The following GSPT1 variants were observed in gnomAD, a reference collection of about 807,000 sequenced individuals.
GSPT1 encodes the protein G1 to S phase transition 1, also known as eukaryotic peptide chain release factor GTP-binding subunit ERF3A.
GSPT1 carries 20 observed loss-of-function variants against 72.5 expected under a neutral mutation model. That is an observed-to-expected ratio of 0.28 (90% CI 0.19 to 0.40). The LOEUF (loss-of-function observed/expected upper bound fraction) is 0.40. Among genes scored for constraint, GSPT1 ranks in the 10% least tolerant of loss-of-function variants. The pLI is 1.00. For synonymous variants in GSPT1, 334 were observed against 293.5 expected, an observed-to-expected ratio of 1.14 and a Z score of -1.41; for missense variants, 580 against 811.9, an observed-to-expected ratio of 0.71 and a Z score of 3.47.
chr16:11,876,121 G>T lies in GSPT1; in HGVS notation c.1657C>A (p.His553Asn). The T allele has an allele frequency of 6.2e-7, 1 of 1,608,358 alleles. No individual in the cohort carries two copies. Among genetic ancestry groups the T allele is most frequent in the Non-Finnish European group, 8.5e-7 (1 of 1,174,778 alleles). Reference protein sequence around the residue: ...IICPGYNAVLHIHTCIEEVEI... With the variant: ...IICPGYNAVLNIHTCIEEVEI... ...ACCTCCTCAATACAGGTATGAATAT[G>T]CAGCACCGCATTATAGCCTGGGCAG... Residue 553 changes from histidine to asparagine, a missense_variant, in exon 13 of 15, where the codon CAT (histidine) becomes AAT (asparagine). This residue lies in a region of GSPT1 where 120 missense variants were observed against 242.5 expected (regional missense o/e 0.49). Coordinates refer to ENST00000434724, the MANE Select transcript of GSPT1 (RefSeq NM_002094.4).
intron 6 of GSPT1, among the ~76,000 whole-genome samples, chr16:11,889,461 C>T (rs2141290283): frequency 6.6e-6 from 1 of 150,436 alleles, no homozygotes; most frequent in South Asian, 2.1e-4. Context: ...CCTCAGCCTC[C>T]CAAGTAGCTG....
rs2053984435 is a variant in GSPT1, at chr16:11,871,982, G to A, written c.*1137C>T. 6.6e-6 allele frequency: 1 copy of A among 152,134 alleles called. No individual in the cohort carries two copies. Among genetic ancestry groups the A allele is most frequent in the Admixed American group, 6.5e-5 (1 of 15,268 alleles). 9.4% of individuals were successfully genotyped at this position (152,134 alleles called of 1,614,324 possible). On this transcript the variant is annotated 3_prime_UTR_variant, in exon 15 of 15. Coordinates refer to ENST00000434724, the MANE Select transcript of GSPT1 (RefSeq NM_002094.4). ...TAAAACTTATACCCTGCTTGATTCT[G>A]CTTATCGCTGATAATTTTAGTCTGT... is the stretch of plus-strand genomic sequence containing the variant.
chr16:11,912,363 CAAAAAAAAAA>C (rs1567454265), intron 1 of GSPT1, among the ~76,000 whole-genome samples: 1 of 129,710 alleles, frequency 7.7e-6, no homozygotes, highest in Non-Finnish European at 1.7e-5. Context: ...AAAAAAAAAA[CAAAAAAAAAA>C]CCTCCTCTTC....
intron 1 of GSPT1, among the ~76,000 whole-genome samples, chr16:11,900,999 GAAAAA>G (rs1567447960): frequency 8.7e-4 from 131 of 150,844 alleles, no homozygotes; most frequent in African/African-American, 1.1e-3. Flanking sequence ...ACCAAAAAAA[GAAAAA>G]CAAAAAACAA....
In GSPT1 at chr16:11,869,211, T is replaced by C. The variant is rs551992381; in HGVS notation, c.*3908A>G. On this transcript the variant is annotated 3_prime_UTR_variant, in exon 15 of 15. Transcript: ENST00000434724. ...CACTTCCTATTCTTTCTATTCCTAT[T>C]CATTTACTATGAAACCTAATCTAAC... 7.9e-4 allele frequency: 121 copies of C among 152,362 alleles called. 1 individual carries two copies. The highest frequency in any genetic ancestry group is 2.6e-3 in the African/African-American group (108 of 41,592). The allele number at this position is 152,362 out of a possible 1,614,324, so 9.4% of individuals were successfully genotyped here.
At chr16:11,910,692 T>C (rs1469751079) in intron 1 of GSPT1, among the ~76,000 whole-genome samples, 1 of 152,232 alleles carries the variant, frequency 6.6e-6, no homozygotes, top group Non-Finnish European at 1.5e-5. Flanking sequence ...CTTTGTCGTC[T>C]ACATTACTTC....
chr16:11,879,846 ATTAC>A (rs1369874547), intron 11 of GSPT1, among the ~76,000 whole-genome samples: 1 of 152,224 alleles, frequency 6.6e-6, no homozygotes, highest in Non-Finnish European at 1.5e-5. Context: ...TAACCCATTA[ATTAC>A]TTACTGTGGT....
intron 1 of GSPT1, 84 bp downstream of exon 1, chr16:11,915,285 G>C: frequency 1.6e-6 from 2 of 1,251,470 alleles, no homozygotes; most frequent in Non-Finnish European, 2.0e-6. Context: ...CCGGGCCCCA[G>C]GGCCGCGCGC....
At position 11,915,673 on chromosome 16, in the gene GSPT1, C is replaced by G. The variant is rs1389371537; in HGVS notation, c.48G>C (p.Gly16=). The G allele has an allele frequency of 5.0e-5, 74 of 1,471,976 alleles. No homozygotes were observed. The highest frequency in any genetic ancestry group is 1.4e-4 in the Admixed American group (6 of 41,704). 91.2% of individuals were successfully genotyped at this position (1,471,976 alleles called of 1,614,324 possible). ...CGCTGCTGCTGCTGCCGCTGCTGCT[C>G]CCGCCGCCGCCGCCGCCGCCGCCGC... ...GGGGGGGGGG[G]SSSGSSSSDS... Residue 16 remains glycine, a synonymous_variant, in exon 1 of 15, where the codon GGG becomes GGC. Transcript: ENST00000434724.
At chr16:11,903,410 G>A (rs1273441390) in intron 1 of GSPT1, among the ~76,000 whole-genome samples, 1 of 152,156 alleles carries the variant, frequency 6.6e-6, no homozygotes, top group Non-Finnish European at 1.5e-5. Flanking sequence ...TCAGGAGGCT[G>A]AGCCAGGAGA....
In GSPT1 at chr16:11,915,575, G is replaced by A; in HGVS notation, c.146C>T (p.Ser49Phe). ...PGPGPCGGGG[S>F]LAAAAEAQRE... ...CTGGGCCTCGGCCGCCGCCGCCAGG[G>A]AGCCGCCGCCGCCGCAAGGGCCCGG... is the stretch of plus-strand genomic sequence containing the variant. The change falls in exon 1 of 15, where the codon TCC (serine) becomes TTC (phenylalanine). Residue 49 changes from serine to phenylalanine, a missense_variant. Ser to Phe is a radical substitution (Grantham distance 155). Coordinates refer to ENST00000434724, the MANE Select transcript of GSPT1 (RefSeq NM_002094.4). 2 of 1,488,274 alleles carry A rather than the reference G, an allele frequency of 1.3e-6. No homozygotes were observed. Among genetic ancestry groups the A allele is most frequent in the East Asian group, 6.0e-5 (2 of 33,444 alleles). The allele number at this position is 1,488,274 out of a possible 1,614,324, so 92.2% of individuals were successfully genotyped here. A position where few individuals can be genotyped will look rare whatever the true frequency, so the allele number is the denominator to read the frequency against.
At chr16:11,899,104 A>G (rs1339665036) in intron 1 of GSPT1, among the ~76,000 whole-genome samples, 1 of 152,204 alleles carries the variant, frequency 6.6e-6, no homozygotes, top group African/African-American at 2.4e-5. Context: ...CCCCTGCTTT[A>G]AAGAATCTCC....
intron 1 of GSPT1, among the ~76,000 whole-genome samples, chr16:11,902,637 G>C (rs888460573): frequency 6.6e-6 from 1 of 151,268 alleles, no homozygotes; most frequent in Non-Finnish European, 1.5e-5. Flanking sequence ...GCCCAGGTTG[G>C]AGTGCACTAT....
intron 1 of GSPT1, among the ~76,000 whole-genome samples, chr16:11,905,825 C>T (rs750234977): frequency 7.3e-5 from 11 of 151,722 alleles, no homozygotes; most frequent in Non-Finnish European, 1.2e-4. Flanking sequence ...GCGACAAGAG[C>T]GAGACTCTGT....
intron 9 of GSPT1, among the ~76,000 whole-genome samples, chr16:11,885,518 T>C (rs1284613984): frequency 1.3e-5 from 2 of 152,258 alleles, no homozygotes; most frequent in African/African-American, 4.8e-5. Context: ...ATAGCCTACA[T>C]GTAATAAATT....
At position 11,915,644 on chromosome 16, in the gene GSPT1, G is replaced by C; in HGVS notation, c.77C>G (p.Ser26Trp). The change falls in exon 1 of 15, where the codon TCG becomes TGG. Residue 26 changes from serine (S) to tryptophan (W), a missense_variant. Transcript: ENST00000434724. ...GSSSGSSSSD[S>W]APDCWDQADM... ...CGCCTGGTCCCAGCAGTCAGGCGCC[G>C]AGTCGCTGCTGCTGCTGCCGCTGCT... 6.7e-7 allele frequency: 1 copy of C among 1,486,308 alleles called. No individual in the cohort carries two copies. The highest frequency in any genetic ancestry group is 8.9e-7 in the Non-Finnish European group (1 of 1,122,574). 92.1% of individuals were successfully genotyped at this position (1,486,308 alleles called of 1,614,324 possible).
intron 1 of GSPT1, among the ~76,000 whole-genome samples, chr16:11,901,897 AC>A (rs2054411852): frequency 1.3e-5 from 2 of 151,570 alleles, no homozygotes; most frequent in Non-Finnish European, 2.9e-5. Flanking sequence ...GGAGTTTGAG[AC>A]CAGTCTGACT....
chr16:11,908,034 G>C (rs1301014165), intron 1 of GSPT1, among the ~76,000 whole-genome samples: 1 of 150,388 alleles, frequency 6.6e-6, no homozygotes, highest in Non-Finnish European at 1.5e-5. Context: ...TTGAGGTCAG[G>C]AGTGCGAGAC....
intron 1 of GSPT1, among the ~76,000 whole-genome samples, chr16:11,901,683 T>G (rs939710046): frequency 6.6e-6 from 1 of 151,542 alleles, no homozygotes; most frequent in Non-Finnish European, 1.5e-5. Context: ...TCCCAGCTAC[T>G]CAGGAAACTG....
Sources: allele counts gnomAD v4.1 joint callset (sites outside exome capture counted in the v4.1 genomes callset), GRCh38; gene constraint gnomAD v4.1.1; regional missense constraint gnomAD v4.1.1; transcripts MANE v1.5; gene names NCBI Gene and HGNC (gene_info 2026-07-23, HGNC 2026-07-21).